The following AMN1 variants were observed in gnomAD, a reference collection of about 807,000 sequenced individuals.
The protein encoded by AMN1 is protein AMN1 homolog.
AMN1 carries 20 observed loss-of-function variants against 33.0 expected under a neutral mutation model. That is an observed-to-expected ratio of 0.61 (90% CI 0.43 to 0.88). AMN1 has a LOEUF of 0.88. Among genes scored for constraint, AMN1 ranks in the 40% least tolerant of loss-of-function variants. The probability of loss-of-function intolerance (pLI) is 0.00; values close to 1 mark genes in which losing one functional copy is unlikely to be tolerated. For synonymous variants in AMN1, 114 were observed against 111.9 expected (o/e 1.02, Z -0.12); for missense variants, 246 against 307.4 (o/e 0.80, Z 1.49).
upstream of AMN1, chr12:31,729,081 C>T: frequency 7.0e-7 from 1 of 1,424,718 alleles, no homozygotes; most frequent in Admixed American, 2.6e-5. Flanking sequence ...CCGCCAACTC[C>T]CGCCCACCGC....
intron 1 of AMN1, among the ~76,000 whole-genome samples, chr12:31,725,791 G>C (rs575579718): frequency 1.3e-3 from 197 of 152,310 alleles, no homozygotes; most frequent in African/African-American, 4.5e-3. Context: ...CGCCTCCTGG[G>C]TTCAAGCAAT....
At chr12:31,708,104 C>T (rs557161398) in intron 2 of AMN1, among the ~76,000 whole-genome samples, 4 of 152,152 alleles carry the variant, frequency 2.6e-5, no homozygotes, top group East Asian at 1.9e-4. Context: ...GCAATTTTAG[C>T]GAACAAGGGA....
chr12:31,693,123 C>T (rs1245794773), intron 5 of AMN1, among the ~76,000 whole-genome samples: 1 of 152,120 alleles, frequency 6.6e-6, no homozygotes, highest in African/African-American at 2.4e-5. Flanking sequence ...AGCTGGAGTG[C>T]AGTAGTGCAA....
chr12:31,710,544 G>A (rs1939424298), intron 1 of AMN1, among the ~76,000 whole-genome samples: 2 of 121,334 alleles, frequency 1.6e-5, no homozygotes, highest in South Asian at 5.7e-4. Context: ...ATTTTTCTCT[G>A]TTCTTGTACA....
intron 6 of AMN1, among the ~76,000 whole-genome samples, chr12:31,688,494 T>A (rs1350405167): frequency 6.6e-6 from 1 of 152,186 alleles, no homozygotes; most frequent in Non-Finnish European, 1.5e-5. Context: ...GCTCTTACTA[T>A]GTGCAAGGCC....
At chr12:31,694,442 C>CAA (rs71062451) in intron 5 of AMN1, among the ~76,000 whole-genome samples, 20,354 of 116,488 alleles carry the variant, frequency 0.17, 2,176 homozygotes, top group East Asian at 0.45. Context: ...AACTCTGTCT[C>CAA]AAAAAAAAAA....
At chr12:31,692,701 A>G (rs1565768804) in intron 5 of AMN1, among the ~76,000 whole-genome samples, 1 of 152,152 alleles carries the variant, frequency 6.6e-6, no homozygotes. Context: ...TAAAAACCAG[A>G]AACAATCTGA....
At chr12:31,673,627 G>C (rs567202550) in intron 6 of AMN1, 2 of 436,806 alleles carry the variant, frequency 4.6e-6, no homozygotes, top group South Asian at 3.3e-5. Context: ...TTTCTGTGAG[G>C]CCAGTGTTAC....
At chr12:31,694,238 T>C (rs1368352848) in intron 5 of AMN1, among the ~76,000 whole-genome samples, 1 of 151,744 alleles carries the variant, frequency 6.6e-6, no homozygotes, top group African/African-American at 2.4e-5. Flanking sequence ...AATCAGGTGT[T>C]TGAGACCAGC....
At position 31,672,040 on chromosome 12, in the gene AMN1, A is replaced by T. The variant is rs534813222; in HGVS notation, c.*264T>A. 1 of 340,366 alleles carries T rather than the reference A, an allele frequency of 2.9e-6. No individual in the cohort carries two copies. The highest frequency in any genetic ancestry group is 5.4e-6 in the Non-Finnish European group (1 of 186,276). 21.1% of individuals were successfully genotyped at this position (340,366 alleles called of 1,614,324 possible). ...TAAGAAACAGAATCCAACACCATAGATCAGAGTTCATGCTAGGATTATCAT... is the reference window on the plus strand; with the variant it reads ...TAAGAAACAGAATCCAACACCATAGTTCAGAGTTCATGCTAGGATTATCAT... On this transcript the variant is annotated 3_prime_UTR_variant, in exon 7 of 7. Transcript: ENST00000281471.
At chr12:31,706,414 C>A (rs1451737032) in intron 2 of AMN1, among the ~76,000 whole-genome samples, 7 of 151,942 alleles carry the variant, frequency 4.6e-5, no homozygotes, top group Non-Finnish European at 1.0e-4. Flanking sequence ...TGCCGCTCAC[C>A]CCCAACAGCA....
chr12:31,695,691 T>C (rs1938694357), intron 5 of AMN1, among the ~76,000 whole-genome samples: 3 of 151,832 alleles, frequency 2.0e-5, no homozygotes, highest in African/African-American at 7.3e-5. Context: ...TTCTCCATGT[T>C]GGCCAGGCTG....
Position 31,697,244 on chromosome 12 carries a change from A to G in AMN1, c.591+117T>C, listed in dbSNP as rs141583635. On this transcript the variant is annotated intron_variant, in intron 5 of 6. Transcript: ENST00000281471. ...CAATAAAGAGATAGAACACCCACCA[A>G]CAAAGTCCCTAAAATACGTAATTGA... The G allele has an allele frequency of 1.8e-3, 1,424 of 778,840 alleles. 18 individuals are homozygous for G. In the African/African-American group the frequency reaches 0.022, roughly 12 times the overall value. 48.2% of individuals were successfully genotyped at this position (778,840 alleles called of 1,614,324 possible). A position where few individuals can be genotyped will look rare whatever the true frequency, so the allele number is the denominator to read the frequency against.
chr12:31,720,258 C>T (rs1302860634), intron 1 of AMN1, among the ~76,000 whole-genome samples: 1 of 152,162 alleles, frequency 6.6e-6, no homozygotes, highest in East Asian at 1.9e-4. Flanking sequence ...AAGTCAGTCC[C>T]TGCCGGGTGT....
rs1450420478 is a variant in AMN1, at chr12:31,697,720, G to A, written c.534+20C>T. 1 of 1,598,196 alleles carries A rather than the reference G, an allele frequency of 6.3e-7. No homozygotes were observed. ...TGGTAAACACATAGTCTATATGTTT[G>A]TAGCCTATATGTCATTTACCTGAGT... is the stretch of plus-strand genomic sequence containing the variant. On this transcript the variant is annotated intron_variant, in intron 4 of 6. Coordinates refer to ENST00000281471, the MANE Select transcript of AMN1 (RefSeq NM_001113402.2).
chr12:31,719,011 A>G (rs958055573), intron 1 of AMN1, among the ~76,000 whole-genome samples: 2 of 152,264 alleles, frequency 1.3e-5, no homozygotes, highest in Non-Finnish European at 2.9e-5. Context: ...CACAGGAGGC[A>G]GTCTCCTGGT....
At position 31,672,193 on chromosome 12, in the gene AMN1, A is replaced by C. The variant is rs187003665; in HGVS notation, c.*111T>G. ...CTGAGAGTTATAACTTAAGACAATAAAATAATTAAAAATAGTGTTAACATT... is the reference window on the plus strand; with the variant it reads ...CTGAGAGTTATAACTTAAGACAATACAATAATTAAAAATAGTGTTAACATT... On this transcript the variant is annotated 3_prime_UTR_variant, in exon 7 of 7. Transcript: ENST00000281471. The C allele has an allele frequency of 6.4e-5, 47 of 738,464 alleles. No homozygotes were observed. In the East Asian group the frequency reaches 6.8e-4, roughly 11 times the overall value. 45.7% of individuals were successfully genotyped at this position (738,464 alleles called of 1,614,324 possible).
At chr12:31,702,840 C>A (rs1209903953) in intron 2 of AMN1, among the ~76,000 whole-genome samples, 1 of 152,124 alleles carries the variant, frequency 6.6e-6, no homozygotes, top group South Asian at 2.1e-4. Flanking sequence ...CGGGTTCAAG[C>A]GATTCTCCTG....
chr12:31,713,524 T>C (rs532684079), intron 1 of AMN1, among the ~76,000 whole-genome samples: 4 of 152,202 alleles, frequency 2.6e-5, no homozygotes, highest in African/African-American at 4.8e-5. Context: ...CATATTTGTG[T>C]CAGACATCTC....
Sources: gnomAD v4.1 joint callset for allele counts (sites outside exome capture counted in the v4.1 genomes callset) on GRCh38, gnomAD v4.1.1 for gene constraint, MANE v1.5 for transcripts, NCBI Gene and HGNC (gene_info 2026-07-23, HGNC 2026-07-21) for gene names.